The following PRTFDC1 variants were observed in gnomAD, a reference collection of about 807,000 sequenced individuals.
PRTFDC1 encodes the protein phosphoribosyl transferase domain containing 1, also known as phosphoribosyltransferase domain-containing protein 1.
A neutral mutation model predicts 34.6 loss-of-function variants in PRTFDC1; 38 were observed. The observed-to-expected ratio is 1.10, with a 90% CI of 0.85 to 1.44. The LOEUF is 1.44. Among genes scored for constraint, PRTFDC1 ranks in the 40% most tolerant of loss-of-function variants. The pLI, the probability that PRTFDC1 is intolerant of heterozygous loss-of-function variation, is 0.00. For missense variants in PRTFDC1, 270 were observed against 283.0 expected (o/e 0.95, Z 0.33); for synonymous variants, 93 against 98.1 (o/e 0.95, Z 0.31).
At chr10:24,913,416 G>C (rs1030602962) in intron 3 of PRTFDC1, among the ~76,000 whole-genome samples, 1 of 152,182 alleles carries the variant, frequency 6.6e-6, no homozygotes, top group Non-Finnish European at 1.5e-5. Context: ...TTGCAAGAAA[G>C]TTCTCTATTG....
At chr10:24,933,891 C>T (rs539277243) in intron 3 of PRTFDC1, among the ~76,000 whole-genome samples, 4 of 152,128 alleles carry the variant, frequency 2.6e-5, no homozygotes, top group African/African-American at 4.8e-5. Context: ...TGAGGTTTCA[C>T]CATGTTGACC....
chr10:24,893,457 G>GTT (rs150882893), intron 3 of PRTFDC1, among the ~76,000 whole-genome samples: 9 of 151,924 alleles, frequency 5.9e-5, no homozygotes, highest in Middle Eastern at 3.4e-3. Flanking sequence ...ACCAGTTAGT[G>GTT]TTTTTTTGTT....
intron 4 of PRTFDC1, among the ~76,000 whole-genome samples, chr10:24,870,534 A>C (rs1223217070): frequency 6.6e-6 from 1 of 152,222 alleles, no homozygotes; most frequent in East Asian, 1.9e-4. Context: ...GCAGTGTCCT[A>C]CAATAAAATG....
intron 2 of PRTFDC1, among the ~76,000 whole-genome samples, chr10:24,938,736 C>T (rs1849095460): frequency 6.6e-6 from 1 of 152,306 alleles, no homozygotes; most frequent in South Asian, 2.1e-4. Flanking sequence ...AGAGGCTGTA[C>T]ATATGCACAG....
At chr10:24,894,188 G>A (rs947734477) in intron 3 of PRTFDC1, among the ~76,000 whole-genome samples, 3 of 152,076 alleles carry the variant, frequency 2.0e-5, no homozygotes, top group African/African-American at 4.8e-5. Flanking sequence ...AAAATTAGCT[G>A]GGCGTGGCAG....
At chr10:24,941,244 C>T (rs555693779) in intron 2 of PRTFDC1, among the ~76,000 whole-genome samples, 72 of 130,892 alleles carry the variant, frequency 5.5e-4, no homozygotes, top group African/African-American at 1.8e-3. Flanking sequence ...TTTGTAGAGA[C>T]GGGTTCTCAC....
chr10:24,908,842 G>C, intron 3 of PRTFDC1: 2 of 1,224,470 alleles, frequency 1.6e-6, no homozygotes, highest in Non-Finnish European at 2.2e-6. Context: ...TTTGATTCCA[G>C]CCACCTCAAG....
chr10:24,952,425 G>T lies in PRTFDC1; in HGVS notation c.48+103C>A, dbSNP rs1849361400. On this transcript the variant is annotated intron_variant, in intron 1 of 8. Transcript: ENST00000320152. The surrounding 1 kb of genome is among the most constrained non-coding windows in gnomAD (Gnocchi z 5.1). ...CGCCGGGAGGGAGAACAAAGCGGTGGCCCTCTCTCTCCCCCGACGCACGGC... is the reference window on the plus strand; with the variant it reads ...CGCCGGGAGGGAGAACAAAGCGGTGTCCCTCTCTCTCCCCCGACGCACGGC... The T allele has an allele frequency of 7.6e-7, 1 of 1,309,234 alleles. No individual in the cohort carries two copies. Among genetic ancestry groups the T allele is most frequent in the Non-Finnish European group, 1.1e-6 (1 of 931,860 alleles). The allele number at this position is 1,309,234 out of a possible 1,614,324, so 81.1% of individuals were successfully genotyped here. A position where few individuals can be genotyped will look rare whatever the true frequency, so the allele number is the denominator to read the frequency against.
intron 4 of PRTFDC1, among the ~76,000 whole-genome samples, chr10:24,869,661 C>T (rs1430694183): frequency 1.3e-5 from 2 of 152,188 alleles, no homozygotes; most frequent in Non-Finnish European, 2.9e-5. Flanking sequence ...ATTTTAAAAG[C>T]TAAGTGAAAT....
intron 3 of PRTFDC1, among the ~76,000 whole-genome samples, chr10:24,895,701 A>ATATC (rs1164335701): frequency 7.7e-6 from 1 of 130,004 alleles, no homozygotes; most frequent in African/African-American, 3.0e-5. Flanking sequence ...ATATATATAT[A>ATATC]TATATATATA....
At chr10:24,893,082 G>A (rs1848292681) in intron 3 of PRTFDC1, among the ~76,000 whole-genome samples, 1 of 152,062 alleles carries the variant, frequency 6.6e-6, no homozygotes, top group Admixed American at 6.6e-5. Flanking sequence ...AAAAATAGAA[G>A]TAGCACATCC....
At chr10:24,889,363 C>A (rs1202469014) in intron 3 of PRTFDC1, among the ~76,000 whole-genome samples, 4 of 152,116 alleles carry the variant, frequency 2.6e-5, no homozygotes, top group African/African-American at 9.7e-5. Flanking sequence ...AAAGAAATTT[C>A]TGTTGTTTAT....
chr10:24,895,692 T>TATATAC (rs1275211122), intron 3 of PRTFDC1, among the ~76,000 whole-genome samples: 1 of 107,668 alleles, frequency 9.3e-6, no homozygotes, highest in South Asian at 3.3e-4. Flanking sequence ...GGGGTGGATA[T>TATATAC]ATATATATAT....
At chr10:24,948,760 G>A (rs1474485270) in intron 1 of PRTFDC1, among the ~76,000 whole-genome samples, 3 of 152,016 alleles carry the variant, frequency 2.0e-5, no homozygotes, top group Non-Finnish European at 2.9e-5. Flanking sequence ...TCTTTCCAAC[G>A]ACTTCATCTT....
intron 3 of PRTFDC1, among the ~76,000 whole-genome samples, chr10:24,929,514 G>A (rs1848939378): frequency 1.3e-5 from 2 of 152,082 alleles, no homozygotes; most frequent in South Asian, 2.1e-4. Context: ...AACAACATGG[G>A]GCAGGATCTA....
At chr10:24,855,531 C>T (rs1847558466) in intron 6 of PRTFDC1, among the ~76,000 whole-genome samples, 167 bp from the exon 7 acceptor site, 1 of 152,186 alleles carries the variant, frequency 6.6e-6, no homozygotes, top group Non-Finnish European at 1.5e-5. Flanking sequence ...ACAGTGCTTA[C>T]ATCTGTAATC....
intron 8 of PRTFDC1, among the ~76,000 whole-genome samples, chr10:24,850,117 C>T (rs1847458779): frequency 6.6e-6 from 1 of 152,148 alleles, no homozygotes; most frequent in African/African-American, 2.4e-5. Flanking sequence ...ATCCGGCTCC[C>T]CAGGTCCCTA....
chr10:24,850,435 C>T, intron 8 of PRTFDC1, among the ~76,000 whole-genome samples: 1 of 151,990 alleles, frequency 6.6e-6, no homozygotes, highest in Middle Eastern at 3.2e-3. Flanking sequence ...AGTTCAAGAC[C>T]AGCCTGGACA....
intron 7 of PRTFDC1, among the ~76,000 whole-genome samples, chr10:24,854,285 C>A (rs1847537298): frequency 6.6e-6 from 1 of 152,200 alleles, no homozygotes; most frequent in South Asian, 2.1e-4. Context: ...ACCTTGACTA[C>A]ATCCAGATTA....
Sources: allele counts gnomAD v4.1 joint callset (sites outside exome capture counted in the v4.1 genomes callset), GRCh38; gene constraint gnomAD v4.1.1; non-coding constraint Gnocchi (gnomAD v3.1); transcripts MANE v1.5; gene names NCBI Gene and HGNC (gene_info 2026-07-23, HGNC 2026-07-21).